The following POP1 variants were observed in gnomAD, a reference collection of about 807,000 sequenced individuals.
The protein encoded by POP1 is POP1 ribonuclease P/MRP subunit.
In POP1, 75 loss-of-function variants were observed where a neutral mutation model predicts 102.2. That is an observed-to-expected ratio of 0.73 (90% CI 0.61 to 0.89). The LOEUF is 0.89. POP1 is among the 40% of genes least tolerant of loss of function. The pLI, the probability that POP1 is intolerant of heterozygous loss-of-function variation, is 0.00. For synonymous variants in POP1, 436 were observed against 464.1 expected, an observed-to-expected ratio of 0.94 and a Z score of 0.78; for missense variants, 1,116 against 1,267.4, an observed-to-expected ratio of 0.88 and a Z score of 1.81.
intron 9 of POP1, among the ~76,000 whole-genome samples, chr8:98,137,422 C>T (rs958103271): frequency 1.3e-5 from 2 of 152,074 alleles, no homozygotes; most frequent in East Asian, 1.9e-4. Context: ...CCTGCCTCAG[C>T]CCCCCGAGTA....
intron 6 of POP1, 98 bp from the exon 7 acceptor site, chr8:98,134,374 C>G: frequency 7.8e-7 from 1 of 1,282,928 alleles, no homozygotes; most frequent in Non-Finnish European, 1.1e-6. Context: ...AACTTCACCT[C>G]TCATGGAGGC....
Position 98,129,035 on chromosome 8 carries a change from A to G in POP1, c.486+495A>G, listed in dbSNP as rs775226662. Among the ~76,000 whole-genome samples the G allele has an allele frequency of 1.4e-4, 22 of 152,126 alleles. 1 individual carries two copies. The highest frequency in any genetic ancestry group is 1.4e-3 in the Admixed American group (22 of 15,270). ...TCCCTTCAAACGAAATTCACAGGCA[A>G]TTGGCTATTATGGGTGCTTTGAAAT... On this transcript the variant is annotated intron_variant, in intron 4 of 15. Transcript: ENST00000401707.
At chr8:98,129,202 TA>T (rs1333352724) in intron 4 of POP1, among the ~76,000 whole-genome samples, 1 of 151,910 alleles carries the variant, frequency 6.6e-6, no homozygotes, top group Non-Finnish European at 1.5e-5. Flanking sequence ...GTAGGAAGGT[TA>T]AAAAAAAGCA....
At position 98,148,933 on chromosome 8, in the gene POP1, A is replaced by G. The variant is rs1389843492; in HGVS notation, c.1829A>G (p.Asp610Gly). 1 of 1,613,956 alleles carries G rather than the reference A, an allele frequency of 6.2e-7. No individual in the cohort carries two copies. Among genetic ancestry groups the G allele is most frequent in the South Asian group, 1.1e-5 (1 of 91,032 alleles). Residue 610 changes from aspartate (D) to glycine (G), a missense_variant, in exon 13 of 16, where the codon GAT becomes GGT. By Grantham distance (94) the Asp-to-Gly change is moderately conservative. Coordinates refer to ENST00000401707, the MANE Select transcript of POP1 (RefSeq NM_001145860.2). ...CAGCCAGGAAAAGTGACTGGTGAAG[A>G]TCGACTAGGCTGGGGAAGTGGCTGG... ...IQQPGKVTGEDRLGWGSGWDV... is the reference protein window; with the variant it reads ...IQQPGKVTGEGRLGWGSGWDV...
intron 15 of POP1, 120 bp downstream of exon 15, chr8:98,156,532 C>CCCTTCCAGAAAGCCTA: frequency 7.7e-7 from 1 of 1,301,222 alleles, no homozygotes; most frequent in Non-Finnish European, 1.1e-6. Flanking sequence ...TATAGGCTTT[C>CCCTTCCAGAAAGCCTA]TGGAAGGGAA....
chr8:98,144,313 T>C (rs973963309), intron 11 of POP1, among the ~76,000 whole-genome samples: 1 of 152,146 alleles, frequency 6.6e-6, no homozygotes, highest in African/African-American at 2.4e-5. Flanking sequence ...TCTCACTCTG[T>C]TGCCCAGACC....
chr8:98,132,110 TA>T (rs1277064961), intron 5 of POP1, among the ~76,000 whole-genome samples: 1 of 152,238 alleles, frequency 6.6e-6, no homozygotes, highest in Non-Finnish European at 1.5e-5. Context: ...CCCTAAGTAA[TA>T]AAACTAATAG....
intron 14 of POP1, among the ~76,000 whole-genome samples, chr8:98,151,943 A>G (rs1376035524): frequency 6.6e-6 from 1 of 150,962 alleles, no homozygotes; most frequent in Non-Finnish European, 1.5e-5. Flanking sequence ...CATGTTGCCC[A>G]GGGTGTTCTT....
chr8:98,137,314 T>A (rs752281618), intron 9 of POP1, among the ~76,000 whole-genome samples: 3 of 152,116 alleles, frequency 2.0e-5, no homozygotes, highest in Non-Finnish European at 4.4e-5. Context: ...TTTCTTTTTT[T>A]TTTTCTGAGA....
At chr8:98,144,307 A>T (rs1207455895) in intron 11 of POP1, among the ~76,000 whole-genome samples, 1 of 151,800 alleles carries the variant, frequency 6.6e-6, no homozygotes, top group East Asian at 1.9e-4. Flanking sequence ...ACAGAGTCTC[A>T]CTCTGTTGCC....
Position 98,158,099 on chromosome 8 carries a change from C to A in POP1, c.2903C>A (p.Thr968Asn). The change falls in exon 16 of 16, where the codon ACT becomes AAT. Residue 968 changes from threonine to asparagine, a missense_variant. Coordinates refer to ENST00000401707, the MANE Select transcript of POP1 (RefSeq NM_001145860.2). ...TCCAGAACTCTCCTAGGCTTTGTGA[C>A]TCAGGGAGATTTTTCCATGGCTGTT... is the stretch of plus-strand genomic sequence containing the variant. ...HCSRTLLGFV[T>N]QGDFSMAVGC... The A allele has an allele frequency of 6.2e-7, 1 of 1,605,316 alleles. No individual in the cohort carries two copies. Among genetic ancestry groups the A allele is most frequent in the Non-Finnish European group, 8.5e-7 (1 of 1,176,396 alleles).
chr8:98,150,841 G>T (rs1809496853), intron 14 of POP1, among the ~76,000 whole-genome samples: 2 of 152,054 alleles, frequency 1.3e-5, no homozygotes, highest in African/African-American at 2.4e-5. Context: ...GGCCCATTTT[G>T]GTTATAAACC....
In POP1 at chr8:98,139,974, C is replaced by T. The variant is rs1320783634; in HGVS notation, c.1363-104C>T. On this transcript the variant is annotated intron_variant, in intron 9 of 15. Transcript: ENST00000401707. ...GGTTCATCCCATAACACATACATTT[C>T]CACACATAGAAGAAGAAAGAGTGGG... 6.8e-6 allele frequency: 6 copies of T among 882,982 alleles called. No homozygotes were observed. In the Admixed American group the frequency reaches 1.0e-4, roughly 15 times the overall value. The allele number at this position is 882,982 out of a possible 1,614,324, so 54.7% of individuals were successfully genotyped here. A position where few individuals can be genotyped will look rare whatever the true frequency, so the allele number is the denominator to read the frequency against.
intron 14 of POP1, among the ~76,000 whole-genome samples, chr8:98,153,281 G>A (rs1704953758): frequency 6.6e-6 from 1 of 152,110 alleles, no homozygotes; most frequent in African/African-American, 2.4e-5. Context: ...CGTAGCTTAT[G>A]TTCTTGATGG....
chr8:98,130,256 A>AT, intron 5 of POP1, 30 bp downstream of exon 5: 1 of 1,613,554 alleles, frequency 6.2e-7, no homozygotes, highest in South Asian at 1.1e-5. Context: ...TTTTTTTGTT[A>AT]TTTTTGTTTG....
chr8:98,125,060 A>G (rs1350262724), intron 2 of POP1, among the ~76,000 whole-genome samples: 1 of 152,062 alleles, frequency 6.6e-6, no homozygotes, highest in East Asian at 1.9e-4. Flanking sequence ...CATTTTTTTT[A>G]TCTCATTTAA....
At position 98,136,655 on chromosome 8, in the gene POP1, A is replaced by G. The variant is rs1467494133; in HGVS notation, c.1185A>G (p.Pro395=). 1.9e-6 allele frequency: 3 copies of G among 1,613,180 alleles called. No individual in the cohort carries two copies. The Admixed American group carries it at 5.0e-5, about 27-fold the overall frequency. The part of the protein sequence containing the change: ...KRKDDGENAK[P]IKKIIGDGTR... Reference sequence around the variant, plus strand: ...AAGATGATGGAGAAAATGCTAAACCAATTAAAAAAATTATCGGTGATGGAA... The same window carrying G: ...AAGATGATGGAGAAAATGCTAAACCGATTAAAAAAATTATCGGTGATGGAA... The change falls in exon 8 of 16, where the codon CCA becomes CCG. Residue 395 remains proline, a synonymous_variant. Transcript: ENST00000401707.
chr8:98,124,308 TC>T (rs1816128549), intron 2 of POP1, among the ~76,000 whole-genome samples: 1 of 152,172 alleles, frequency 6.6e-6, no homozygotes, highest in South Asian at 2.1e-4. Context: ...ACACCTGTAA[TC>T]CCAGCACTTT....
intron 5 of POP1, among the ~76,000 whole-genome samples, chr8:98,133,146 A>G (rs1220487087): frequency 6.6e-6 from 1 of 151,898 alleles, no homozygotes. Flanking sequence ...GAGCCCAGGA[A>G]GTTGAGACTT....
Sources: gnomAD v4.1 joint callset for allele counts (sites outside exome capture counted in the v4.1 genomes callset) on GRCh38, gnomAD v4.1.1 for gene constraint, MANE v1.5 for transcripts, NCBI Gene and HGNC (gene_info 2026-07-23, HGNC 2026-07-21) for gene names.